FYB2: variants seen among roughly 807,000 people sequenced by gnomAD.
FYB2 encodes FYN-binding protein 2.
FYB2 carries 103 observed loss-of-function variants against 94.1 expected under a neutral mutation model. The ratio of observed to expected loss-of-function variants is 1.09; its 90% CI spans 0.93 to 1.29. The LOEUF is 1.29. Ranked by LOEUF, FYB2 falls within the 50% of genes most tolerant of loss-of-function variation. The pLI, the probability that FYB2 is intolerant of heterozygous loss-of-function variation, is 0.00. For synonymous variants in FYB2, 293 were observed against 287.9 expected, an observed-to-expected ratio of 1.02 and a Z score of -0.18; for missense variants, 896 against 841.5, an observed-to-expected ratio of 1.06 and a Z score of -0.80.
At chr1:56,775,039 G>A (rs996440995) in intron 4 of FYB2, among the ~76,000 whole-genome samples, 1 of 152,032 alleles carries the variant, frequency 6.6e-6, no homozygotes, top group Non-Finnish European at 1.5e-5. Context: ...TGAGATTTTG[G>A]AATTTGGACT....
intron 1 of FYB2, among the ~76,000 whole-genome samples, chr1:56,798,355 C>T (rs1302529886): frequency 6.6e-6 from 1 of 152,130 alleles, no homozygotes; most frequent in African/African-American, 2.4e-5. Context: ...CAAAACAATT[C>T]GAGAGATATT....
rs566036317 is a variant in FYB2 at position 56,819,284 on chromosome 1, C to T, written c.7G>A (p.Gly3Arg). 4.0e-5 allele frequency: 64 copies of T among 1,614,226 alleles called. No homozygotes were observed. The South Asian group carries it at 6.8e-4, about 17-fold the overall frequency. Reference sequence around the variant, plus strand: ...CAACAAAACTGAGACAGCCTTACCCCTTCCATTGCTTTCCTCCAAGGCAGA... The same window carrying T: ...CAACAAAACTGAGACAGCCTTACCCTTTCCATTGCTTTCCTCCAAGGCAGA... ME[G>R]EGVRNFKELR... Residue 3 changes from glycine (G) to arginine (R), a missense_variant and splice_region_variant, in exon 1 of 20, where the codon GGG becomes AGG. Transcript: ENST00000343433.
intron 4 of FYB2, among the ~76,000 whole-genome samples, chr1:56,780,196 T>C (rs971870516): frequency 3.9e-5 from 6 of 152,288 alleles, no homozygotes; most frequent in Admixed American, 3.9e-4. Flanking sequence ...CTTGTGATTG[T>C]CTGTTTCTTT....
chr1:56,811,313 G>C (rs1006308297), intron 1 of FYB2, among the ~76,000 whole-genome samples: 3 of 152,164 alleles, frequency 2.0e-5, no homozygotes, highest in African/African-American at 7.2e-5. Context: ...CATTTTAAAA[G>C]TTTTTCCTTT....
chr1:56,750,648 A>G (rs1055961301), intron 9 of FYB2, among the ~76,000 whole-genome samples: 1 of 152,014 alleles, frequency 6.6e-6, no homozygotes, highest in Non-Finnish European at 1.5e-5. Flanking sequence ...TGATGATGTG[A>G]GCCTAGACAA....
At chr1:56,787,364 G>T (rs528056548) in intron 3 of FYB2, among the ~76,000 whole-genome samples, 156 bp from the exon 4 acceptor site, 2 of 152,318 alleles carry the variant, frequency 1.3e-5, no homozygotes, top group African/African-American at 4.8e-5. Flanking sequence ...GCACCCAGGG[G>T]ATGCCTGTCC....
At chr1:56,782,165 TTAA>T (rs1480523821) in intron 4 of FYB2, among the ~76,000 whole-genome samples, 1 of 152,174 alleles carries the variant, frequency 6.6e-6, no homozygotes, top group Admixed American at 6.6e-5. Context: ...TAGATTATTG[TTAA>T]TTATTGTCAC....
In FYB2 at chr1:56,719,590, A is replaced by C; in HGVS notation, c.*81T>G. ...ACCATCTCAAAATTTTGACATGTAA[A>C]CTGAAACTGATGTAACGCAGGACTA... On this transcript the variant is annotated 3_prime_UTR_variant, in exon 20 of 20. Transcript: ENST00000343433. 2 of 1,275,428 alleles carry C rather than the reference A, an allele frequency of 1.6e-6. No individual in the cohort carries two copies. The highest frequency in any genetic ancestry group is 2.2e-6 in the Non-Finnish European group (2 of 922,980). The allele number at this position is 1,275,428 out of a possible 1,614,324, so 79.0% of individuals were successfully genotyped here.
chr1:56,789,230 C>T (rs1646205602), intron 2 of FYB2, 96 bp from the exon 3 acceptor site: 1 of 1,350,864 alleles, frequency 7.4e-7, no homozygotes, highest in Non-Finnish European at 1.0e-6. Context: ...AAGTCCCGTC[C>T]AATCTATTCT....
Position 56,787,166 on chromosome 1 carries a change from T to C in FYB2, c.953+9A>G. ...TACGTTCCTACACAACTAAGGAGCA[T>C]GTACTTACCTCTCTGGAGACAGGGA... On this transcript the variant is annotated intron_variant, in intron 4 of 19. Transcript: ENST00000343433. The C allele has an allele frequency of 6.2e-7, 1 of 1,613,884 alleles. No homozygotes were observed. The highest frequency in any genetic ancestry group is 8.5e-7 in the Non-Finnish European group (1 of 1,179,826).
At chr1:56,790,388 A>C (rs1267976939) in intron 2 of FYB2, among the ~76,000 whole-genome samples, 1 of 152,246 alleles carries the variant, frequency 6.6e-6, no homozygotes, top group Non-Finnish European at 1.5e-5. Flanking sequence ...GGAAGAAGAC[A>C]TAGTGAATAC....
intron 9 of FYB2, among the ~76,000 whole-genome samples, chr1:56,747,716 G>T (rs1229872876): frequency 6.6e-6 from 1 of 152,108 alleles, no homozygotes; most frequent in Non-Finnish European, 1.5e-5. Context: ...ACATACGTGT[G>T]CATGTATCTT....
intron 4 of FYB2, among the ~76,000 whole-genome samples, chr1:56,768,844 C>A: frequency 6.6e-6 from 1 of 151,648 alleles, no homozygotes; most frequent in South Asian, 2.1e-4. Context: ...TTTTAGTATT[C>A]CAAGAAATAA....
At chr1:56,804,243 A>C (rs1253357583) in intron 1 of FYB2, among the ~76,000 whole-genome samples, 1 of 152,106 alleles carries the variant, frequency 6.6e-6, no homozygotes, top group African/African-American at 2.4e-5. Flanking sequence ...ATACATGCTC[A>C]CCTTTGTGGA....
intron 1 of FYB2, among the ~76,000 whole-genome samples, chr1:56,810,490 T>G (rs1646743455): frequency 6.6e-6 from 1 of 152,148 alleles, no homozygotes; most frequent in Non-Finnish European, 1.5e-5. Flanking sequence ...CTGTTTAGAC[T>G]TAGACTCAAT....
At chr1:56,742,343 A>G in intron 11 of FYB2, 122 bp from the exon 12 acceptor site, 1 of 657,112 alleles carries the variant, frequency 1.5e-6, no homozygotes. Flanking sequence ...TTTGTTAAAT[A>G]GTTTTTACTG....
intron 9 of FYB2, among the ~76,000 whole-genome samples, chr1:56,748,906 A>G (rs1374877634): frequency 6.6e-6 from 1 of 151,974 alleles, no homozygotes; most frequent in Non-Finnish European, 1.5e-5. Context: ...AAAATGTCCC[A>G]GTTTTTATTT....
intron 1 of FYB2, among the ~76,000 whole-genome samples, chr1:56,805,435 C>T (rs935164967): frequency 1.3e-5 from 2 of 152,180 alleles, no homozygotes; most frequent in Non-Finnish European, 2.9e-5. Flanking sequence ...CTGCACATAG[C>T]AGCTTGTGTA....
At position 56,792,709 on chromosome 1, in the gene FYB2, G is replaced by A. The variant is rs61736121; in HGVS notation, c.104C>T (p.Ser35Phe). Residue 35 changes from serine (S) to phenylalanine (F), a missense_variant, in exon 2 of 20, where the codon TCT becomes TTT. Ser to Phe is a radical substitution (Grantham distance 155). Transcript: ENST00000343433. ...PGPIKFPAGV[S>F]PKGDIGGTQS... The stretch of plus-strand genomic sequence containing the variant: ...TGTGCCTCCAATGTCACCCTTTGGA[G>A]AAACACCTGCTGGGAATTTAATAGG... The A allele has an allele frequency of 1.9e-6, 3 of 1,614,022 alleles. No individual in the cohort carries two copies. Among genetic ancestry groups the A allele is most frequent in the Non-Finnish European group, 2.5e-6 (3 of 1,179,998 alleles).
Sources: gnomAD v4.1 joint callset for allele counts (sites outside exome capture counted in the v4.1 genomes callset) on GRCh38, gnomAD v4.1.1 for gene constraint, MANE v1.5 for transcripts, NCBI Gene and HGNC (gene_info 2026-07-23, HGNC 2026-07-21) for gene names.